Variants in OR6N1 observed in about 807,000 individuals in gnomAD.
The protein encoded by OR6N1 is olfactory receptor family 6 subfamily N member 1.
For missense variants in OR6N1, 394 were observed against 371.7 expected (o/e 1.06, Z -0.49); for synonymous variants, 170 against 150.7 (o/e 1.13, Z -0.94).
chr1:158,784,111 C>CA, the OR6N1 span, among the ~76,000 whole-genome samples: 19 of 151,234 alleles, frequency 1.3e-4, no homozygotes, highest in East Asian at 5.8e-4. Flanking sequence ...CTCTAAAAAA[C>CA]AAAAAAAAGA....
chr1:158,779,773 C>A, the OR6N1 span, among the ~76,000 whole-genome samples: 1 of 152,156 alleles, frequency 6.6e-6, no homozygotes, highest in Non-Finnish European at 1.5e-5. Context: ...AAAATGAGAT[C>A]AAATCTTAAC....
At chr1:158,788,381 A>G in the OR6N1 span, among the ~76,000 whole-genome samples, 12 of 152,152 alleles carry the variant, frequency 7.9e-5, no homozygotes, top group African/African-American at 2.9e-4. Context: ...TAAAATGTAA[A>G]CTTTCATGTT....
chr1:158,813,489 G>A, the OR6N1 span, among the ~76,000 whole-genome samples: 1 of 151,994 alleles, frequency 6.6e-6, no homozygotes, highest in Non-Finnish European at 1.5e-5. Flanking sequence ...GCTCCAGAGG[G>A]CATATAAGAA....
chr1:158,820,191 C>T, the OR6N1 span, among the ~76,000 whole-genome samples: 2 of 152,220 alleles, frequency 1.3e-5, no homozygotes, highest in African/African-American at 4.8e-5. Flanking sequence ...AGCAGTTTTC[C>T]TCCCTGGGTG....
At chr1:158,816,773 A>G in the OR6N1 span, among the ~76,000 whole-genome samples, 20 of 152,186 alleles carry the variant, frequency 1.3e-4, no homozygotes, top group Non-Finnish European at 2.6e-4. Flanking sequence ...ACACCTTCCC[A>G]TCTCTGCTCT....
chr1:158,806,462 C>G, the OR6N1 span, among the ~76,000 whole-genome samples: 1 of 152,100 alleles, frequency 6.6e-6, no homozygotes, highest in African/African-American at 2.4e-5. Context: ...GCTTAACGTT[C>G]TTTTATTGTC....
At chr1:158,804,837 T>C in the OR6N1 span, among the ~76,000 whole-genome samples, 26 of 152,302 alleles carry the variant, frequency 1.7e-4, 1 homozygote, top group Middle Eastern at 6.8e-3. Flanking sequence ...ACAGCTTTTA[T>C]GTCCCAGACT....
Position 158,765,626 on chromosome 1 carries a change from C to T in OR6N1, c.*118G>A. 1.2e-6 allele frequency: 1 copy of T among 820,802 alleles called. No homozygotes were observed. The highest frequency in any genetic ancestry group is 2.0e-6 in the Non-Finnish European group (1 of 511,358). The allele number at this position is 820,802 out of a possible 1,614,324, so 50.8% of individuals were successfully genotyped here. On this transcript the variant is annotated 3_prime_UTR_variant, in exon 2 of 2. Coordinates refer to ENST00000641846, the MANE Select transcript of OR6N1 (RefSeq NM_001005185.2). ...ACTGGAAGTCAGTCAGCACTTGCTG[C>T]AGCTCCACCACCCCACATAGAAAAG...
At chr1:158,813,564 G>C in the OR6N1 span, among the ~76,000 whole-genome samples, 1 of 152,144 alleles carries the variant, frequency 6.6e-6, no homozygotes, top group African/African-American at 2.4e-5. Context: ...ACTACTAAAA[G>C]TTGTTTCCTA....
At chr1:158,787,721 T>C in the OR6N1 span, among the ~76,000 whole-genome samples, 11 of 152,164 alleles carry the variant, frequency 7.2e-5, no homozygotes, top group South Asian at 2.3e-3. Context: ...TCTCCAGTTC[T>C]GGTATTTTGA....
chr1:158,778,823 G>T, the OR6N1 span, among the ~76,000 whole-genome samples: 2 of 151,666 alleles, frequency 1.3e-5, no homozygotes, highest in African/African-American at 2.4e-5. Context: ...GACCATCCTG[G>T]CTAACACGGT....
the OR6N1 span, among the ~76,000 whole-genome samples, chr1:158,829,416 A>C: frequency 1.5e-4 from 23 of 152,274 alleles, no homozygotes; most frequent in Middle Eastern, 3.4e-3. Context: ...TAAGACACAC[A>C]TCTCTAGGTC....
At chr1:158,813,610 G>T in the OR6N1 span, among the ~76,000 whole-genome samples, 1 of 151,818 alleles carries the variant, frequency 6.6e-6, no homozygotes, top group African/African-American at 2.4e-5. Flanking sequence ...GAAGAAAGGG[G>T]CAAATGGTCC....
chr1:158,806,827 A>C, the OR6N1 span, among the ~76,000 whole-genome samples: 2 of 151,938 alleles, frequency 1.3e-5, no homozygotes, highest in South Asian at 4.2e-4. Context: ...CAGATCTTAC[A>C]CATCTGGACC....
the OR6N1 span, among the ~76,000 whole-genome samples, chr1:158,791,037 T>C: frequency 1.3e-5 from 2 of 152,224 alleles, no homozygotes; most frequent in African/African-American, 2.4e-5. Flanking sequence ...CAGGTTTTTG[T>C]TTTTAATTCT....
the OR6N1 span, among the ~76,000 whole-genome samples, chr1:158,806,516 G>A: frequency 6.6e-6 from 1 of 152,284 alleles, no homozygotes; most frequent in East Asian, 1.9e-4. Context: ...GAATTTAAGT[G>A]TATTGCATAT....
intron 1 of OR6N1, among the ~76,000 whole-genome samples, chr1:158,770,578 C>T (rs1378332200): frequency 1.3e-5 from 2 of 152,040 alleles, no homozygotes; most frequent in African/African-American, 4.8e-5. Context: ...TCCAGTGGCC[C>T]CCATAATTTT....
At chr1:158,809,087 G>A in the OR6N1 span, 2 of 152,922 alleles carry the variant, frequency 1.3e-5, no homozygotes, top group South Asian at 2.1e-4. Flanking sequence ...GGAGCAAGGT[G>A]TGCAGCAGCA....
chr1:158,770,185 G>A lies in OR6N1; in HGVS notation c.-19+1836C>T, dbSNP rs74122465. ...GAATATGAGAAGCCAGTATTTTGTC[G>A]TCTCCTTTCTCAGAAGGTAGAGTTT... On this transcript the variant is annotated intron_variant, in intron 1 of 1. Coordinates refer to ENST00000641846, the MANE Select transcript of OR6N1 (RefSeq NM_001005185.2). 9.9e-3 allele frequency among the ~76,000 whole-genome samples: 1,507 copies of A among 152,184 alleles called. 33 individuals are homozygous for A. Among genetic ancestry groups the A allele is most frequent in the African/African-American group, 0.034 (1,418 of 41,518 alleles).
Sources: allele counts gnomAD v4.1 joint callset (sites outside exome capture counted in the v4.1 genomes callset), GRCh38; gene constraint gnomAD v4.1.1; transcripts MANE v1.5; gene names NCBI Gene and HGNC (gene_info 2026-07-23, HGNC 2026-07-21).